The following WIPF3 variants were observed in gnomAD, a reference collection of about 807,000 sequenced individuals.
WIPF3 encodes the protein WAS/WASL-interacting protein family member 3.
Under a neutral mutation model 38.9 loss-of-function variants are expected in WIPF3, and 33 were observed. That is an observed-to-expected ratio of 0.85 (90% confidence interval 0.64 to 1.14). The LOEUF is 1.14. Among genes scored for constraint, WIPF3 ranks in the 50% most tolerant of loss-of-function variants. WIPF3 has a pLI of 0.00. For missense variants in WIPF3, 711 were observed against 652.5 expected, an observed-to-expected ratio of 1.09 and a Z score of -0.98; for synonymous variants, 324 against 269.3, an observed-to-expected ratio of 1.20 and a Z score of -1.99.
chr7:29,870,783 C>T (rs1480136159), intron 2 of WIPF3, among the ~76,000 whole-genome samples: 2 of 152,168 alleles, frequency 1.3e-5, no homozygotes, highest in South Asian at 2.1e-4. Flanking sequence ...ATGGCGAAAC[C>T]CCATCTCCAC....
chr7:29,912,750 G>A (rs1030439217), intron 8 of WIPF3: 3 of 152,398 alleles, frequency 2.0e-5, no homozygotes, highest in African/African-American at 7.2e-5. Context: ...TTAAAAAGTA[G>A]GAAGTTCTAA....
intron 7 of WIPF3, among the ~76,000 whole-genome samples, chr7:29,901,707 G>C (rs541248188): frequency 6.6e-6 from 1 of 151,170 alleles, no homozygotes; most frequent in African/African-American, 2.4e-5. Context: ...GTGTGGTGGT[G>C]TGCACCTGTA....
intron 2 of WIPF3, among the ~76,000 whole-genome samples, chr7:29,867,423 A>G (rs973868422): frequency 6.6e-6 from 1 of 152,188 alleles, no homozygotes; most frequent in African/African-American, 2.4e-5. Flanking sequence ...AGGCGGGGGC[A>G]TGTTTCTTTT....
At chr7:29,849,214 C>T (rs149819887) in intron 2 of WIPF3, among the ~76,000 whole-genome samples, 3 of 152,150 alleles carry the variant, frequency 2.0e-5, no homozygotes, top group African/African-American at 2.4e-5. Context: ...CTGCCCTAAT[C>T]GTTGAGTTGA....
At chr7:29,888,482 T>TGTGTGC (rs1343894110) in intron 6 of WIPF3, among the ~76,000 whole-genome samples, 2,787 of 148,148 alleles carry the variant, frequency 0.019, 103 homozygotes, top group African/African-American at 0.066. Context: ...TTAAACTGTG[T>TGTGTGC]GAGTGTGTGT....
At chr7:29,911,375 C>T (rs934651110) in intron 8 of WIPF3, among the ~76,000 whole-genome samples, 9 of 152,076 alleles carry the variant, frequency 5.9e-5, no homozygotes, top group African/African-American at 2.2e-4. Flanking sequence ...ACCGAAATCT[C>T]AATGACATTT....
intron 7 of WIPF3, among the ~76,000 whole-genome samples, chr7:29,895,977 G>T (rs1786135680): frequency 6.6e-6 from 1 of 152,184 alleles, no homozygotes; most frequent in African/African-American, 2.4e-5. Flanking sequence ...GCCACATGTT[G>T]TATAATTTCA....
At chr7:29,899,710 A>C (rs1216900598) in intron 7 of WIPF3, among the ~76,000 whole-genome samples, 1 of 152,264 alleles carries the variant, frequency 6.6e-6, no homozygotes, top group African/African-American at 2.4e-5. Context: ...GGGGCTATCA[A>C]ATATTTAGTG....
chr7:29,873,051 A>G (rs1785527206), intron 2 of WIPF3, among the ~76,000 whole-genome samples: 1 of 152,204 alleles, frequency 6.6e-6, no homozygotes, highest in Non-Finnish European at 1.5e-5. Flanking sequence ...TTATTGAGGC[A>G]TGTCCAAAGT....
chr7:29,850,064 G>A (rs1277041244), intron 2 of WIPF3, among the ~76,000 whole-genome samples: 1 of 152,214 alleles, frequency 6.6e-6, no homozygotes, highest in Admixed American at 6.5e-5. Flanking sequence ...TCATTCATAT[G>A]CCTTTTGGGT....
At chr7:29,825,333 A>G (rs183291251) in intron 1 of WIPF3, among the ~76,000 whole-genome samples, 109 of 152,336 alleles carry the variant, frequency 7.2e-4, no homozygotes, top group Admixed American at 2.5e-3. Flanking sequence ...TACCCCAGAA[A>G]TTAAAATAAA....
chr7:29,825,227 A>G (rs533131470), intron 1 of WIPF3, among the ~76,000 whole-genome samples: 9 of 152,324 alleles, frequency 5.9e-5, no homozygotes, highest in Non-Finnish European at 1.2e-4. Flanking sequence ...TAGCTAATGC[A>G]TGCTGGGCTT....
In WIPF3 at chr7:29,889,422, G is replaced by A; in HGVS notation, c.1351+15G>A. ...GATCCCCAGAAGTAAGTACCACCTT[G>A]ATAAGACTCCTGGCATCTCCCGACC... On this transcript the variant is annotated intron_variant, in intron 7 of 8. Transcript: ENST00000242140. 6.2e-7 allele frequency: 1 copy of A among 1,602,612 alleles called. No individual in the cohort carries two copies. The highest frequency in any genetic ancestry group is 8.5e-7 in the Non-Finnish European group (1 of 1,169,688).
At chr7:29,853,632 G>A (rs1785141106) in intron 2 of WIPF3, among the ~76,000 whole-genome samples, 2 of 152,214 alleles carry the variant, frequency 1.3e-5, no homozygotes, top group Admixed American at 1.3e-4. Flanking sequence ...CTCTTTTAGA[G>A]CATGGTGATT....
intron 7 of WIPF3, among the ~76,000 whole-genome samples, chr7:29,898,876 A>G (rs1786215098): frequency 6.6e-6 from 1 of 152,196 alleles, no homozygotes; most frequent in South Asian, 2.1e-4. Flanking sequence ...CCGAATATCC[A>G]TGTGACCGTC....
rs546386159 is a variant in WIPF3, at chr7:29,910,727, T to TA, written c.1429-3758dup. Among the ~76,000 whole-genome samples the TA allele has an allele frequency of 1.0e-3, 158 of 151,966 alleles. 1 individual carries two copies. The highest frequency in any genetic ancestry group is 2.6e-3 in the African/African-American group (107 of 41,476). ...GACAAAATTGAACACCTTTTCATGA[T>TA]AAAAAAAATTCTCAATAAACTAGGA... On this transcript the variant is annotated intron_variant, in intron 8 of 8. Coordinates refer to ENST00000242140, the MANE Select transcript of WIPF3 (RefSeq NM_001080529.3).
rs1187620081 is a variant in WIPF3 at position 29,884,003 on chromosome 7, A to G, written c.509A>G (p.Asn170Ser). 6.0e-6 allele frequency: 9 copies of G among 1,507,500 alleles called. No individual in the cohort carries two copies. Among genetic ancestry groups the G allele is most frequent in the Middle Eastern group, 2.2e-4 (1 of 4,520 alleles). 93.4% of individuals were successfully genotyped at this position (1,507,500 alleles called of 1,614,324 possible). The change falls in exon 5 of 9, where the codon AAC becomes AGC. Residue 170 changes from asparagine (N) to serine (S), a missense_variant. Physicochemically the swap from Asn to Ser is conservative, Grantham distance 46. Coordinates refer to ENST00000242140, the MANE Select transcript of WIPF3 (RefSeq NM_001080529.3). ...GCCAGGACAGCCCCGCCTCGCCCCA[A>G]CGTGCCTGCCCCGCCCCCTCCCACC... ...GAARTAPPRPNVPAPPPPTPP... is the reference protein window; with the variant it reads ...GAARTAPPRPSVPAPPPPTPP...
chr7:29,865,930 A>G (rs1244330489), intron 2 of WIPF3, among the ~76,000 whole-genome samples: 2 of 152,156 alleles, frequency 1.3e-5, no homozygotes, highest in Non-Finnish European at 2.9e-5. Context: ...AGGCCGAGGC[A>G]GGTGGATCAT....
chr7:29,908,100 T>G (rs28782326), intron 8 of WIPF3, among the ~76,000 whole-genome samples: 1 of 152,184 alleles, frequency 6.6e-6, no homozygotes, highest in Non-Finnish European at 1.5e-5. Flanking sequence ...TCCAACAGTA[T>G]GCTGTTTACA....
Sources: allele counts gnomAD v4.1 joint callset (sites outside exome capture counted in the v4.1 genomes callset), GRCh38; gene constraint gnomAD v4.1.1; transcripts MANE v1.5; gene names NCBI Gene and HGNC (gene_info 2026-07-23, HGNC 2026-07-21).